The following TFB1M variants were observed in gnomAD, a reference collection of about 807,000 sequenced individuals.
The protein encoded by TFB1M is transcription factor B1, mitochondrial.
TFB1M carries 27 observed loss-of-function variants against 31.1 expected under a neutral mutation model. The ratio of observed to expected loss-of-function variants is 0.87; its 90% confidence interval spans 0.64 to 1.20. The LOEUF (loss-of-function observed/expected upper bound fraction) is 1.20. TFB1M is among the 50% of genes most tolerant of loss of function. TFB1M has a pLI of 0.00. For synonymous variants in TFB1M, 166 were observed against 151.8 expected (o/e 1.09, Z -0.69); for missense variants, 394 against 418.7 (o/e 0.94, Z 0.51).
the TFB1M span, among the ~76,000 whole-genome samples, chr6:155,229,911 C>T: frequency 1.3e-5 from 2 of 152,042 alleles, no homozygotes; most frequent in African/African-American, 2.4e-5. Context: ...CATCAGATCT[C>T]GTGAGACTTA....
chr6:155,274,087 T>A (rs1785061554), intron 5 of TFB1M, among the ~76,000 whole-genome samples: 1 of 152,214 alleles, frequency 6.6e-6, no homozygotes, highest in South Asian at 2.1e-4. Flanking sequence ...CTCCCCATTT[T>A]CCAGAAGAGG....
chr6:155,275,846 G>A, intron 5 of TFB1M: 1 of 1,614,110 alleles, frequency 6.2e-7, no homozygotes, highest in Non-Finnish European at 8.5e-7. Flanking sequence ...CATCATAACA[G>A]CCATTGTACA....
intron 5 of TFB1M, among the ~76,000 whole-genome samples, chr6:155,280,641 T>TAAC (rs1327698312): frequency 6.6e-6 from 1 of 152,206 alleles, no homozygotes; most frequent in Non-Finnish European, 1.5e-5. Context: ...AGAGTCTTAG[T>TAAC]TAAGTAGGAA....
the TFB1M span, among the ~76,000 whole-genome samples, chr6:155,242,037 G>A: frequency 3.9e-5 from 6 of 152,224 alleles, no homozygotes; most frequent in African/African-American, 1.4e-4. Context: ...TCAGTGACAG[G>A]CTGGCAGAGT....
rs143619717 is a variant in TFB1M, at chr6:155,257,333, C to CTT, written c.*501_*502dup. On this transcript the variant is annotated 3_prime_UTR_variant, in exon 7 of 7. Coordinates refer to ENST00000367166, the MANE Select transcript of TFB1M (RefSeq NM_016020.4). ...GAAACTGGTCAGAATCTGTAAATTA[C>CTT]TTAGTTTATATCCACTTTGAGCAGG... The CTT allele has an allele frequency of 1.2e-3, 690 of 576,050 alleles. 8 individuals carry two copies. In the East Asian group the frequency reaches 0.021, roughly 17 times the overall value. The allele number at this position is 576,050 out of a possible 1,614,324, so 35.7% of individuals were successfully genotyped here.
chr6:155,293,973 T>A (rs966968407), intron 4 of TFB1M, among the ~76,000 whole-genome samples: 13 of 152,196 alleles, frequency 8.5e-5, no homozygotes, highest in Non-Finnish European at 1.3e-4. Flanking sequence ...GACTCCTTTC[T>A]CTCTGTCCTG....
At chr6:155,290,388 C>CAAAAAAAAAAAAAA (rs1189869721) in intron 4 of TFB1M, among the ~76,000 whole-genome samples, 11 of 107,556 alleles carry the variant, frequency 1.0e-4, no homozygotes, top group Non-Finnish European at 1.7e-4. Context: ...GACTCGGCCT[C>CAAAAAAAAAAAAAA]AAAAAAAAAA....
At chr6:155,273,796 T>A (rs1785050291) in intron 5 of TFB1M, among the ~76,000 whole-genome samples, 2 of 152,176 alleles carry the variant, frequency 1.3e-5, no homozygotes, top group South Asian at 4.1e-4. Context: ...TGATATCCTA[T>A]CTGAACATTC....
At chr6:155,254,534 G>A (rs761343860), downstream of TFB1M, 17 of 1,613,958 alleles carry the variant, frequency 1.1e-5, no homozygotes, top group Non-Finnish European at 1.4e-5. Context: ...GGATCGCCTG[G>A]TACCTCTTAA....
chr6:155,266,744 G>C (rs1784651378), intron 5 of TFB1M, among the ~76,000 whole-genome samples: 1 of 151,596 alleles, frequency 6.6e-6, no homozygotes, highest in African/African-American at 2.4e-5. Flanking sequence ...CTACTTGGGA[G>C]GCTGAGGCAG....
intron 5 of TFB1M, among the ~76,000 whole-genome samples, chr6:155,272,926 T>C (rs1030723333): frequency 1.3e-5 from 2 of 152,230 alleles, no homozygotes; most frequent in East Asian, 1.9e-4. Context: ...AGGATTATAA[T>C]TGGTAAGCTG....
chr6:155,286,882 ATGTT>A (rs1408208470), intron 4 of TFB1M, among the ~76,000 whole-genome samples: 6 of 151,932 alleles, frequency 3.9e-5, no homozygotes, highest in Non-Finnish European at 5.9e-5. Flanking sequence ...AACATTATAA[ATGTT>A]TGTAAGTCAC....
In TFB1M at chr6:155,256,391, T is replaced by G; in HGVS notation, c.*1445A>C. The G allele has an allele frequency of 3.9e-6, 6 of 1,552,664 alleles. No homozygotes were observed. The South Asian group carries it at 6.1e-5, about 16-fold the overall frequency. ...TGAAGTCATATCATAAAATAAAATC[T>G]TAATGTTAAATCTTACACAAGCTTT... is the stretch of plus-strand genomic sequence containing the variant. On this transcript the variant is annotated 3_prime_UTR_variant, in exon 7 of 7. Transcript: ENST00000367166.
At chr6:155,302,000 T>C (rs561023776) in intron 2 of TFB1M, among the ~76,000 whole-genome samples, 1 of 151,832 alleles carries the variant, frequency 6.6e-6, no homozygotes, top group Non-Finnish European at 1.5e-5. Flanking sequence ...TGTGGCCATT[T>C]AAAAAAAAAT....
the TFB1M span, among the ~76,000 whole-genome samples, chr6:155,237,905 A>G: frequency 4.4e-3 from 672 of 152,326 alleles, 5 homozygotes; most frequent in Middle Eastern, 0.014. Flanking sequence ...AGACATTTTC[A>G]TCATTGTCTT....
chr6:155,308,158 G>GT (rs1239412745), intron 2 of TFB1M, among the ~76,000 whole-genome samples: 2 of 152,170 alleles, frequency 1.3e-5, no homozygotes, highest in African/African-American at 4.8e-5. Context: ...TCATAAAAAT[G>GT]TAACAAGAAA....
At chr6:155,240,355 T>C in the TFB1M span, among the ~76,000 whole-genome samples, 3 of 152,206 alleles carry the variant, frequency 2.0e-5, no homozygotes, top group African/African-American at 7.2e-5. Flanking sequence ...TCTTCCTTAC[T>C]CAGATCCGAA....
chr6:155,244,354 C>T, the TFB1M span, among the ~76,000 whole-genome samples: 1 of 152,142 alleles, frequency 6.6e-6, no homozygotes, highest in Admixed American at 6.5e-5. Context: ...CAATACATAC[C>T]TTTGTAATGT....
chr6:155,307,168 T>G (rs335373), intron 2 of TFB1M, among the ~76,000 whole-genome samples: 1 of 137,044 alleles, frequency 7.3e-6, no homozygotes, highest in Admixed American at 7.2e-5. Context: ...CACACACACA[T>G]ATACACACAG....
Sources: gnomAD v4.1 joint callset for allele counts (sites outside exome capture counted in the v4.1 genomes callset) on GRCh38, gnomAD v4.1.1 for gene constraint, MANE v1.5 for transcripts, NCBI Gene and HGNC (gene_info 2026-07-23, HGNC 2026-07-21) for gene names.